The following CCSER1 variants were observed in gnomAD, a reference collection of about 807,000 sequenced individuals.
CCSER1 encodes the protein serine-rich coiled-coil domain-containing protein 1.
CCSER1 carries 41 observed loss-of-function variants against 82.0 expected under a neutral mutation model. That is an observed-to-expected ratio of 0.50 (90% CI 0.39 to 0.65). The LOEUF (loss-of-function observed/expected upper bound fraction) is 0.65. CCSER1 is among the 30% of genes least tolerant of loss of function. CCSER1 has a pLI of 0.00. For missense variants in CCSER1, 1,119 were observed against 1,064.2 expected (o/e 1.05, Z -0.72); for synonymous variants, 414 against 383.9 (o/e 1.08, Z -0.92).
intron 8 of CCSER1, among the ~76,000 whole-genome samples, chr4:90,858,041 AG>A (rs2149969555): frequency 6.6e-6 from 1 of 152,224 alleles, no homozygotes; most frequent in South Asian, 2.1e-4. Flanking sequence ...TTTTTAAAAA[AG>A]AACAGATAGC....
rs528662809 is a variant in CCSER1 at position 90,733,153 on chromosome 4, G to A, written c.2010+9162G>A. On this transcript the variant is annotated intron_variant, in intron 7 of 10. Coordinates refer to ENST00000509176, the MANE Select transcript of CCSER1 (RefSeq NM_001145065.2). Reference sequence around the variant, plus strand: ...ACAAATTTACATTCCCACCAACATTGTATGAAGGTTCCCTTCTCTTCACAT... The same window carrying A: ...ACAAATTTACATTCCCACCAACATTATATGAAGGTTCCCTTCTCTTCACAT... Among the ~76,000 whole-genome samples the A allele has an allele frequency of 3.3e-5, 5 of 152,262 alleles. No individual in the cohort carries two copies. In the South Asian group the frequency reaches 1.0e-3, roughly 32 times the overall value.
chr4:90,929,762 A>G (rs1330732590), intron 9 of CCSER1, among the ~76,000 whole-genome samples: 1 of 152,208 alleles, frequency 6.6e-6, no homozygotes, highest in African/African-American at 2.4e-5. Flanking sequence ...TGCTGGTCCA[A>G]GGTTATAAAG....
At chr4:90,164,326 T>A (rs34146382) in intron 1 of CCSER1, among the ~76,000 whole-genome samples, 46,254 of 151,562 alleles carry the variant, frequency 0.31, 8,174 homozygotes, top group Non-Finnish European at 0.41. Context: ...ATTTTAGATG[T>A]TACATTTATA....
intron 5 of CCSER1, among the ~76,000 whole-genome samples, chr4:90,479,856 T>C (rs1765665377): frequency 6.6e-6 from 1 of 152,224 alleles, no homozygotes; most frequent in Non-Finnish European, 1.5e-5. Context: ...TGTGTCTTTA[T>C]AGCAGCATGA....
At chr4:90,478,315 A>G (rs1399044032) in intron 5 of CCSER1, among the ~76,000 whole-genome samples, 1 of 152,196 alleles carries the variant, frequency 6.6e-6, no homozygotes, top group Non-Finnish European at 1.5e-5. Context: ...TACTCATTAG[A>G]CAGAATTACA....
At chr4:90,523,757 T>G (rs1000425266) in intron 5 of CCSER1, among the ~76,000 whole-genome samples, 1 of 152,068 alleles carries the variant, frequency 6.6e-6, no homozygotes, top group East Asian at 1.9e-4. Flanking sequence ...TAAATGATAG[T>G]AGACCTGAAA....
intron 10 of CCSER1, among the ~76,000 whole-genome samples, chr4:91,594,565 T>A (rs1355776155): frequency 6.6e-6 from 1 of 151,472 alleles, no homozygotes; most frequent in Non-Finnish European, 1.5e-5. Context: ...TGCCAAAATG[T>A]ATTTTAATAT....
chr4:91,402,487 G>A (rs1752407946), intron 10 of CCSER1, among the ~76,000 whole-genome samples: 1 of 152,086 alleles, frequency 6.6e-6, no homozygotes, highest in Non-Finnish European at 1.5e-5. Context: ...TGTCCTGAAT[G>A]GTATTGCCTA....
chr4:91,598,927 C>A lies in CCSER1; in HGVS notation c.2573C>A (p.Thr858Asn), dbSNP rs778003843. The A allele has an allele frequency of 5.6e-5, 87 of 1,551,436 alleles. 1 individual carries two copies. Among genetic ancestry groups the A allele is most frequent in the Middle Eastern group, 3.3e-4 (2 of 6,014 alleles). Residue 858 changes from threonine to asparagine, a missense_variant, in exon 11 of 11, where the codon ACC (threonine) becomes AAC (asparagine). Transcript: ENST00000509176. The part of the protein sequence containing the change: ...DQVATARQHS[T>N]FTGRFGQPPR... ...GTTGCTACGGCCCGACAGCATTCGA[C>A]CTTTACAGGCAGGTTTGGACAGCCA...
At chr4:91,383,361 T>C (rs532197921) in intron 10 of CCSER1, among the ~76,000 whole-genome samples, 1 of 152,124 alleles carries the variant, frequency 6.6e-6, no homozygotes, top group South Asian at 2.1e-4. Flanking sequence ...CTTTTTTTTT[T>C]CAAAAAGGAG....
chr4:90,296,975 G>A (rs1008941727), intron 1 of CCSER1, among the ~76,000 whole-genome samples: 3 of 152,068 alleles, frequency 2.0e-5, no homozygotes, highest in African/African-American at 4.8e-5. Flanking sequence ...TGGCAATGTG[G>A]GCTCTTTTTT....
At chr4:91,030,714 A>G (rs1740903474) in intron 9 of CCSER1, among the ~76,000 whole-genome samples, 1 of 151,214 alleles carries the variant, frequency 6.6e-6, no homozygotes, top group Non-Finnish European at 1.5e-5. Flanking sequence ...ATGTATATAG[A>G]AACCTCAATT....
intron 10 of CCSER1, among the ~76,000 whole-genome samples, chr4:91,217,856 G>T (rs764576710): frequency 7.9e-5 from 12 of 152,236 alleles, no homozygotes; most frequent in Non-Finnish European, 1.8e-4. Context: ...CCCTGAACTA[G>T]ATATAAAGAC....
At chr4:91,235,904 A>G (rs1488919444) in intron 10 of CCSER1, among the ~76,000 whole-genome samples, 1 of 152,228 alleles carries the variant, frequency 6.6e-6, no homozygotes, top group Non-Finnish European at 1.5e-5. Flanking sequence ...TGAGTGAATC[A>G]TAATTACTAT....
At chr4:90,957,409 T>C (rs1733576558) in intron 9 of CCSER1, among the ~76,000 whole-genome samples, 1 of 146,160 alleles carries the variant, frequency 6.8e-6, no homozygotes, top group African/African-American at 2.5e-5. Context: ...CCCAGCCTGA[T>C]ATTTCTAATT....
chr4:90,379,134 A>G (rs1231146573), intron 3 of CCSER1, among the ~76,000 whole-genome samples: 1 of 152,206 alleles, frequency 6.6e-6, no homozygotes, highest in Non-Finnish European at 1.5e-5. Flanking sequence ...ACAGCAACAC[A>G]GATTTATTTC....
chr4:91,305,732 G>A (rs1247865322), intron 10 of CCSER1, among the ~76,000 whole-genome samples: 1 of 151,280 alleles, frequency 6.6e-6, no homozygotes, highest in Non-Finnish European at 1.5e-5. Flanking sequence ...CCAAGAGTGG[G>A]TAATTTATAA....
chr4:91,451,962 A>C (rs1755894556), intron 10 of CCSER1, among the ~76,000 whole-genome samples: 1 of 151,996 alleles, frequency 6.6e-6, no homozygotes, highest in African/African-American at 2.4e-5. Context: ...TGGGCCAACA[A>C]TATCTTAGTT....
chr4:90,467,288 G>A (rs980254554), intron 4 of CCSER1, among the ~76,000 whole-genome samples: 25 of 152,074 alleles, frequency 1.6e-4, no homozygotes, highest in Non-Finnish European at 3.4e-4. Context: ...GGAGGCTGAG[G>A]TAGGAGAATC....
Sources: gnomAD v4.1 joint callset for allele counts (sites outside exome capture counted in the v4.1 genomes callset) on GRCh38, gnomAD v4.1.1 for gene constraint, MANE v1.5 for transcripts, NCBI Gene and HGNC (gene_info 2026-07-23, HGNC 2026-07-21) for gene names.